The following GFRA1 variants were observed in gnomAD, a reference collection of about 807,000 sequenced individuals.
GFRA1 encodes GDNF family receptor alpha-1.
In GFRA1, 16 loss-of-function variants were observed where a neutral mutation model predicts 51.6. The observed-to-expected ratio is 0.31, with a 90% CI of 0.21 to 0.47. The LOEUF (loss-of-function observed/expected upper bound fraction) is 0.47. GFRA1 is among the 20% of genes least tolerant of loss of function. GFRA1 has a pLI of 1.00. For synonymous variants in GFRA1, 270 were observed against 241.3 expected (o/e 1.12, Z -1.10); for missense variants, 530 against 594.3 (o/e 0.89, Z 1.13).
intron 4 of GFRA1, among the ~76,000 whole-genome samples, chr10:116,242,513 G>A (rs927095473): frequency 2.6e-5 from 4 of 151,116 alleles, no homozygotes; most frequent in African/African-American, 9.7e-5. Flanking sequence ...ACAGAATCGT[G>A]ATGTGTCGCC....
chr10:116,128,599 G>A (rs1018022772), intron 5 of GFRA1, among the ~76,000 whole-genome samples: 7 of 151,836 alleles, frequency 4.6e-5, no homozygotes, highest in Non-Finnish European at 1.0e-4. Context: ...GGTGGCGGGC[G>A]CCTGTAGTCC....
At chr10:116,123,849 G>A (rs1957744096) in intron 6 of GFRA1, among the ~76,000 whole-genome samples, 1 of 152,188 alleles carries the variant, frequency 6.6e-6, no homozygotes, top group Admixed American at 6.5e-5. Flanking sequence ...GGAGCAGAGT[G>A]AAGGGTAACT....
At chr10:116,109,873 C>T (rs553371315) in intron 6 of GFRA1, among the ~76,000 whole-genome samples, 1 of 152,264 alleles carries the variant, frequency 6.6e-6, no homozygotes, top group South Asian at 2.1e-4. Flanking sequence ...GCAGGGGTGT[C>T]TGGTCTCTCT....
chr10:116,066,952 T>C (rs1269780543), intron 9 of GFRA1, among the ~76,000 whole-genome samples: 1 of 152,342 alleles, frequency 6.6e-6, no homozygotes, highest in East Asian at 1.9e-4. Context: ...TGATAGCATG[T>C]TCACCCAAGG....
chr10:116,064,528 T>C lies in GFRA1; in HGVS notation c.1268A>G (p.Glu423Gly). ...TATGTGGCTGGAAGCACCGAGACCT[T>C]CTTTTTCATAATTACCCTGTAAGGA... ...LCISNGNYEK[E>G]GLGASSHITT... Residue 423 changes from glutamate to glycine, a missense_variant, in exon 11 of 11, where the codon GAA becomes GGA. Physicochemically the swap from Glu to Gly is moderately conservative, Grantham distance 98. Coordinates refer to ENST00000355422, the MANE Select transcript of GFRA1 (RefSeq NM_005264.8). The C allele has an allele frequency of 6.2e-7, 1 of 1,613,066 alleles. No homozygotes were observed. Among genetic ancestry groups the C allele is most frequent in the East Asian group, 2.2e-5 (1 of 44,854 alleles).
upstream of GFRA1, among the ~76,000 whole-genome samples, chr10:116,273,655 CTCTCTCTCTCTCTCTG>C (rs1205491731): frequency 5.3e-5 from 5 of 94,244 alleles, no homozygotes; most frequent in African/African-American, 1.5e-4. Flanking sequence ...CACTCTCTCT[CTCTCTCTCTCTCTCTG>C]TCTCTCTCTC....
chr10:116,081,135 T>A (rs1368491017), intron 9 of GFRA1, among the ~76,000 whole-genome samples: 1 of 152,178 alleles, frequency 6.6e-6, no homozygotes, highest in Non-Finnish European at 1.5e-5. Flanking sequence ...TGAAATGAAC[T>A]TGAGGGGGTC....
intron 9 of GFRA1, among the ~76,000 whole-genome samples, chr10:116,078,061 T>G (rs958112422): frequency 6.6e-6 from 1 of 152,202 alleles, no homozygotes; most frequent in Admixed American, 6.5e-5. Context: ...GCCACACATA[T>G]GTACCTATCA....
chr10:116,124,770 C>T (rs1334374273), intron 6 of GFRA1, among the ~76,000 whole-genome samples: 1 of 152,164 alleles, frequency 6.6e-6, no homozygotes, highest in African/African-American at 2.4e-5. Flanking sequence ...CAAGGCTGGA[C>T]ACTGCTCAGT....
intron 4 of GFRA1, among the ~76,000 whole-genome samples, chr10:116,224,197 T>C (rs1966120357): frequency 1.3e-5 from 2 of 152,194 alleles, no homozygotes; most frequent in African/African-American, 4.8e-5. Context: ...TAATGACAAG[T>C]GCTGGTGATT....
intron 6 of GFRA1, among the ~76,000 whole-genome samples, chr10:116,111,920 C>T (rs1688966042): frequency 6.6e-6 from 1 of 152,212 alleles, no homozygotes; most frequent in Admixed American, 6.5e-5. Context: ...GTGACTGTCC[C>T]TGCATGTGCG....
intron 4 of GFRA1, among the ~76,000 whole-genome samples, chr10:116,251,457 T>C (rs1340975754): frequency 6.6e-6 from 1 of 152,122 alleles, no homozygotes; most frequent in Admixed American, 6.5e-5. Context: ...CACGAGACAC[T>C]GATGCACAAA....
Position 116,059,871 on chromosome 10 carries a change from G to A in GFRA1, c.*4527C>T, listed in dbSNP as rs1388161379. 3 of 152,170 alleles carry A rather than the reference G, an allele frequency of 2.0e-5. No homozygotes were observed. Among genetic ancestry groups the A allele is most frequent in the Non-Finnish European group, 4.4e-5 (3 of 68,036 alleles). 9.4% of individuals were successfully genotyped at this position (152,170 alleles called of 1,614,324 possible). On this transcript the variant is annotated 3_prime_UTR_variant, in exon 11 of 11. Transcript: ENST00000355422. ...ATCATCTTCAGATCATCTGGCTCCT[G>A]AGAGAGGCTTCTCTGTCTTAAAATA...
chr10:116,113,847 C>T (rs1341737319), intron 6 of GFRA1, among the ~76,000 whole-genome samples: 1 of 152,182 alleles, frequency 6.6e-6, no homozygotes, highest in Non-Finnish European at 1.5e-5. Context: ...TCCAAGGTTG[C>T]TGCAAAGAGC....
At chr10:116,242,722 T>C (rs1410098236) in intron 4 of GFRA1, among the ~76,000 whole-genome samples, 1 of 152,144 alleles carries the variant, frequency 6.6e-6, no homozygotes, top group East Asian at 1.9e-4. Flanking sequence ...CCTCAGGTGA[T>C]CCGCCTGCCT....
At chr10:116,218,066 G>A (rs55691712) in intron 4 of GFRA1, among the ~76,000 whole-genome samples, 3,103 of 152,204 alleles carry the variant, frequency 0.02, 61 homozygotes, top group African/African-American at 0.055. Context: ...CCTATGAATG[G>A]ATTATTTTTA....
upstream of GFRA1, among the ~76,000 whole-genome samples, chr10:116,273,646 A>ACT (rs1158805358): frequency 2.1e-4 from 3 of 14,394 alleles, no homozygotes; most frequent in Non-Finnish European, 3.4e-4. Context: ...AGACACACAC[A>ACT]CTCTCTCTCT....
At chr10:116,198,202 T>A (rs967502545) in intron 5 of GFRA1, among the ~76,000 whole-genome samples, 2 of 151,692 alleles carry the variant, frequency 1.3e-5, no homozygotes, top group Non-Finnish European at 2.9e-5. Flanking sequence ...CCCCACACGA[T>A]ACAGGTGGTT....
chr10:116,169,511 C>G (rs1341253869), intron 5 of GFRA1, among the ~76,000 whole-genome samples: 1 of 152,190 alleles, frequency 6.6e-6, no homozygotes, highest in African/African-American at 2.4e-5. Flanking sequence ...GCTCCACTGG[C>G]AGAGGAGCAG....
Sources: gnomAD v4.1 joint callset for allele counts (sites outside exome capture counted in the v4.1 genomes callset) on GRCh38, gnomAD v4.1.1 for gene constraint, MANE v1.5 for transcripts, NCBI Gene and HGNC (gene_info 2026-07-23, HGNC 2026-07-21) for gene names.